The following CNTN5 variants were observed in gnomAD, a reference collection of about 807,000 sequenced individuals.
CNTN5 encodes contactin 5, also known as contactin-5.
A neutral mutation model predicts 129.1 loss-of-function variants in CNTN5; 77 were observed. The ratio of observed to expected loss-of-function variants is 0.60; its 90% CI spans 0.50 to 0.72. CNTN5 has a LOEUF of 0.72. CNTN5 is among the 30% of genes least tolerant of loss of function. The probability of loss-of-function intolerance (pLI) is 0.00; values close to 1 mark genes in which losing one functional copy is unlikely to be tolerated. For synonymous variants in CNTN5, 509 were observed against 465.6 expected, an observed-to-expected ratio of 1.09 and a Z score of -1.20; for missense variants, 1,478 against 1,328.8, an observed-to-expected ratio of 1.11 and a Z score of -1.75.
At chr11:99,726,345 A>G (rs1362024625) in intron 3 of CNTN5, among the ~76,000 whole-genome samples, 3 of 152,144 alleles carry the variant, frequency 2.0e-5, no homozygotes, top group African/African-American at 2.4e-5. Context: ...TTTTTCTGTA[A>G]TCTATGGCTC....
At chr11:99,137,251 T>G (rs542709585) in intron 1 of CNTN5, among the ~76,000 whole-genome samples, 24 of 152,302 alleles carry the variant, frequency 1.6e-4, no homozygotes, top group African/African-American at 5.8e-4. Context: ...TCGGACATTC[T>G]ACTGTTTAAA....
intron 13 of CNTN5, among the ~76,000 whole-genome samples, chr11:100,157,686 G>C (rs937197555): frequency 6.6e-6 from 1 of 151,702 alleles, no homozygotes; most frequent in African/African-American, 2.4e-5. Context: ...AGAATATGAA[G>C]ACAACTATGA....
chr11:99,954,784 C>T (rs1050505893), intron 7 of CNTN5, among the ~76,000 whole-genome samples: 2 of 152,130 alleles, frequency 1.3e-5, no homozygotes, highest in African/African-American at 2.4e-5. Context: ...CTCAGGTTGT[C>T]AGCTCTTCTA....
chr11:99,415,624 T>A (rs1942622479), intron 2 of CNTN5, among the ~76,000 whole-genome samples: 1 of 152,182 alleles, frequency 6.6e-6, no homozygotes, highest in East Asian at 1.9e-4. Flanking sequence ...GGATTCTAGT[T>A]GTTTCTATGG....
intron 21 of CNTN5, among the ~76,000 whole-genome samples, chr11:100,317,029 A>G (rs1164185317): frequency 6.6e-6 from 1 of 152,232 alleles, no homozygotes; most frequent in East Asian, 1.9e-4. Flanking sequence ...CTTCCAGAGG[A>G]TATGCAACTC....
intron 3 of CNTN5, among the ~76,000 whole-genome samples, chr11:99,698,387 G>C (rs1954366017): frequency 6.6e-6 from 1 of 151,344 alleles, no homozygotes; most frequent in Admixed American, 6.6e-5. Context: ...TATTCCCAGA[G>C]ATTTAAAACC....
intron 13 of CNTN5, among the ~76,000 whole-genome samples, chr11:100,116,098 A>G (rs1175719470): frequency 5.3e-5 from 8 of 151,530 alleles, no homozygotes; most frequent in African/African-American, 1.2e-4. Context: ...ATAGCAATAA[A>G]CTCTTGGCAT....
At chr11:99,419,875 AT>A (rs1054498479) in intron 2 of CNTN5, among the ~76,000 whole-genome samples, 33 of 152,102 alleles carry the variant, frequency 2.2e-4, no homozygotes, top group African/African-American at 7.7e-4. Flanking sequence ...CTTTTAATTA[AT>A]TTCATTAATT....
At chr11:99,222,709 T>C (rs896557521) in intron 1 of CNTN5, among the ~76,000 whole-genome samples, 4 of 152,166 alleles carry the variant, frequency 2.6e-5, no homozygotes, top group African/African-American at 9.6e-5. Flanking sequence ...ATTTAAATTA[T>C]AATTAATTTG....
chr11:99,861,967 G>A (rs919312909), intron 6 of CNTN5, among the ~76,000 whole-genome samples: 4 of 152,094 alleles, frequency 2.6e-5, no homozygotes, highest in African/African-American at 9.7e-5. Context: ...AGCTTTAACT[G>A]TAATTCAAAC....
chr11:99,416,949 C>A, intron 2 of CNTN5, among the ~76,000 whole-genome samples: 1 of 152,156 alleles, frequency 6.6e-6, no homozygotes, highest in East Asian at 1.9e-4. Context: ...TGCACTTGTA[C>A]ATTTTACTGA....
chr11:99,536,992 G>T (rs932151045), intron 2 of CNTN5, among the ~76,000 whole-genome samples: 3 of 151,872 alleles, frequency 2.0e-5, no homozygotes, highest in Non-Finnish European at 4.4e-5. Flanking sequence ...CTGTACTAAA[G>T]CTTCATATAT....
intron 8 of CNTN5, among the ~76,000 whole-genome samples, chr11:99,995,813 G>C (rs915765283): frequency 6.6e-6 from 1 of 152,102 alleles, no homozygotes; most frequent in Non-Finnish European, 1.5e-5. Flanking sequence ...AAGGCTATCT[G>C]ATGGCACTAG....
At chr11:100,257,453 T>G (rs188326115) in intron 17 of CNTN5, among the ~76,000 whole-genome samples, 2 of 152,250 alleles carry the variant, frequency 1.3e-5, no homozygotes, top group East Asian at 1.9e-4. Flanking sequence ...ACAGACTGCC[T>G]CCTCAAGTGG....
At chr11:99,641,161 T>A (rs1274864500) in intron 3 of CNTN5, among the ~76,000 whole-genome samples, 1 of 152,124 alleles carries the variant, frequency 6.6e-6, no homozygotes, top group Non-Finnish European at 1.5e-5. Context: ...TTCCAACAAA[T>A]TGAGATTTAA....
chr11:99,728,119 A>G (rs1023390619), intron 3 of CNTN5, among the ~76,000 whole-genome samples: 4 of 152,196 alleles, frequency 2.6e-5, no homozygotes, highest in African/African-American at 9.6e-5. Flanking sequence ...ATGGATTTTT[A>G]AAAAGAAATA....
At position 99,235,913 on chromosome 11, in the gene CNTN5, A is replaced by C. The variant is rs1369165408; in HGVS notation, c.-209-89433A>C. ...TTCATGAGGAAGGCAAGGAACCTGG[A>C]AGCTGGCTTCTGCAGTGAACCAAAA... is the stretch of plus-strand genomic sequence containing the variant. On this transcript the variant is annotated intron_variant, in intron 1 of 24. Transcript: ENST00000524871. 2.0e-5 allele frequency among the ~76,000 whole-genome samples: 3 copies of C among 152,210 alleles called. No individual in the cohort carries two copies. In the East Asian group the frequency reaches 5.8e-4, roughly 29 times the overall value.
At chr11:100,029,063 T>C (rs558568586) in intron 9 of CNTN5, among the ~76,000 whole-genome samples, 46 of 149,254 alleles carry the variant, frequency 3.1e-4, no homozygotes, top group African/African-American at 9.8e-4. Flanking sequence ...CGTTAGAAGA[T>C]AGAGAGAGAG....
intron 1 of CNTN5, among the ~76,000 whole-genome samples, chr11:99,150,404 A>C (rs1307831988): frequency 6.6e-6 from 1 of 152,004 alleles, no homozygotes; most frequent in Non-Finnish European, 1.5e-5. Flanking sequence ...CATAGAAGTA[A>C]AATATATCAC....
Sources: gnomAD v4.1 joint callset for allele counts (sites outside exome capture counted in the v4.1 genomes callset) on GRCh38, gnomAD v4.1.1 for gene constraint, MANE v1.5 for transcripts, NCBI Gene and HGNC (gene_info 2026-07-23, HGNC 2026-07-21) for gene names.